Variants in CACNA2D3 observed in about 807,000 individuals in gnomAD.
CACNA2D3 encodes the protein voltage-dependent calcium channel subunit alpha-2/delta-3.
CACNA2D3 carries 60 observed loss-of-function variants against 160.6 expected under a neutral mutation model. That is an observed-to-expected ratio of 0.37 (90% confidence interval 0.30 to 0.46). The LOEUF (loss-of-function observed/expected upper bound fraction) is 0.46. CACNA2D3 is among the 20% of genes least tolerant of loss of function. The pLI, the probability that CACNA2D3 is intolerant of heterozygous loss-of-function variation, is 1.00. For synonymous variants in CACNA2D3, 558 were observed against 492.9 expected, an observed-to-expected ratio of 1.13 and a Z score of -1.75; for missense variants, 1,205 against 1,365.0, an observed-to-expected ratio of 0.88 and a Z score of 1.85.
At chr3:54,310,385 G>A (rs927051087) in intron 2 of CACNA2D3, among the ~76,000 whole-genome samples, 5 of 152,106 alleles carry the variant, frequency 3.3e-5, no homozygotes, top group African/African-American at 1.2e-4. Flanking sequence ...GCACATTTAT[G>A]TCATAATAAG....
intron 11 of CACNA2D3, among the ~76,000 whole-genome samples, chr3:54,729,597 A>G (rs1701346090): frequency 6.6e-6 from 1 of 152,194 alleles, no homozygotes. Flanking sequence ...GCTTTCCTCC[A>G]TTCGAGTGTT....
At chr3:54,193,672 C>T (rs1336684417) in intron 2 of CACNA2D3, among the ~76,000 whole-genome samples, 1 of 152,186 alleles carries the variant, frequency 6.6e-6, no homozygotes, top group Non-Finnish European at 1.5e-5. Flanking sequence ...CACTGAGGAC[C>T]ACTAGGCTGT....
chr3:54,739,751 ATGTGTGTGTGTGTGTGTG>A (rs5849058), intron 11 of CACNA2D3, among the ~76,000 whole-genome samples: 90 of 145,956 alleles, frequency 6.2e-4, no homozygotes, highest in Non-Finnish European at 8.8e-4. Flanking sequence ...CTCCTCATAT[ATGTGTGTGTGTGTGTGTG>A]TGTGTGTGTG....
intron 2 of CACNA2D3, among the ~76,000 whole-genome samples, chr3:54,146,049 A>G (rs1031346173): frequency 3.3e-5 from 5 of 151,692 alleles, no homozygotes; most frequent in Non-Finnish European, 5.9e-5. Flanking sequence ...TAGAATTTCT[A>G]TTATGGTTGT....
At chr3:54,442,817 T>C (rs1481213934) in intron 4 of CACNA2D3, among the ~76,000 whole-genome samples, 3 of 152,172 alleles carry the variant, frequency 2.0e-5, no homozygotes, top group Admixed American at 2.0e-4. Context: ...CTCAGCCAGG[T>C]CTTCTGAGAA....
At chr3:54,280,945 T>C (rs1290987367) in intron 2 of CACNA2D3, among the ~76,000 whole-genome samples, 1 of 152,198 alleles carries the variant, frequency 6.6e-6, no homozygotes, top group African/African-American at 2.4e-5. Context: ...TACTACTTTC[T>C]TGCTTTTTTC....
At chr3:54,513,176 C>T (rs930726854) in intron 5 of CACNA2D3, among the ~76,000 whole-genome samples, 1 of 152,186 alleles carries the variant, frequency 6.6e-6, no homozygotes, top group African/African-American at 2.4e-5. Context: ...GCTGGTAACT[C>T]TTAGAAGGAC....
At chr3:54,753,183 A>G (rs1203700999) in intron 12 of CACNA2D3, among the ~76,000 whole-genome samples, 1 of 152,190 alleles carries the variant, frequency 6.6e-6, no homozygotes, top group Non-Finnish European at 1.5e-5. Context: ...GACATAGTCA[A>G]GTGGAGTGGT....
chr3:54,622,930 A>G (rs1287413838), intron 9 of CACNA2D3, among the ~76,000 whole-genome samples: 1 of 152,222 alleles, frequency 6.6e-6, no homozygotes, highest in South Asian at 2.1e-4. Flanking sequence ...CAGGCGCGGT[A>G]AACCGATCGC....
intron 2 of CACNA2D3, among the ~76,000 whole-genome samples, chr3:54,227,745 G>C (rs1191777308): frequency 6.6e-6 from 1 of 151,996 alleles, no homozygotes; most frequent in Non-Finnish European, 1.5e-5. Context: ...GTAGAGACGG[G>C]GTTTCACCTC....
intron 4 of CACNA2D3, among the ~76,000 whole-genome samples, chr3:54,424,572 C>T (rs1037322907): frequency 1.3e-5 from 2 of 152,190 alleles, no homozygotes; most frequent in African/African-American, 4.8e-5. Context: ...TTATCCTCTG[C>T]TGAATAACTC....
chr3:54,740,130 CAG>C (rs761185753), intron 11 of CACNA2D3, among the ~76,000 whole-genome samples: 10 of 152,128 alleles, frequency 6.6e-5, no homozygotes, highest in Admixed American at 1.3e-4. Context: ...ACACCAAAGA[CAG>C]GGGAGCCACA....
chr3:54,428,508 A>G (rs1176087890), intron 4 of CACNA2D3, among the ~76,000 whole-genome samples: 3 of 152,268 alleles, frequency 2.0e-5, no homozygotes, highest in Middle Eastern at 3.4e-3. Context: ...CTGCAAGTCC[A>G]TTTATGGATG....
intron 11 of CACNA2D3, among the ~76,000 whole-genome samples, chr3:54,720,903 A>T (rs1701156403): frequency 6.6e-6 from 1 of 152,176 alleles, no homozygotes; most frequent in Admixed American, 6.5e-5. Flanking sequence ...AAGAAAGGAC[A>T]AGATATACTA....
intron 9 of CACNA2D3, among the ~76,000 whole-genome samples, chr3:54,619,805 TG>T (rs1245450229): frequency 7.2e-5 from 11 of 151,926 alleles, no homozygotes; most frequent in African/African-American, 2.4e-4. Context: ...AAGATAATAT[TG>T]GCTCTGCACT....
At chr3:54,436,676 A>G (rs896173280) in intron 4 of CACNA2D3, among the ~76,000 whole-genome samples, 19 of 152,224 alleles carry the variant, frequency 1.2e-4, no homozygotes, top group Admixed American at 1.1e-3. Flanking sequence ...AACTAACACA[A>G]GAACAGAAAA....
At chr3:54,454,862 C>G (rs373184681) in intron 4 of CACNA2D3, among the ~76,000 whole-genome samples, 2 of 151,928 alleles carry the variant, frequency 1.3e-5, no homozygotes, top group Non-Finnish European at 2.9e-5. Flanking sequence ...CTTTCTGTGC[C>G]TGGCTTATTT....
rs772414471 is a variant in CACNA2D3, at chr3:54,918,725, G to A, written c.2449+18857G>A. On this transcript the variant is annotated intron_variant, in intron 27 of 37. Transcript: ENST00000474759. ...CGCTCCCCCGCGTTGTGGTTCTCAGGAGGCCTCAGGACCACACCGTGGGCA... is the reference window on the plus strand; with the variant it reads ...CGCTCCCCCGCGTTGTGGTTCTCAGAAGGCCTCAGGACCACACCGTGGGCA... 16 of 1,614,004 alleles carry A rather than the reference G, an allele frequency of 9.9e-6. No homozygotes were observed. Among genetic ancestry groups the A allele is most frequent in the Non-Finnish European group, 1.2e-5 (14 of 1,180,026 alleles).
intron 2 of CACNA2D3, among the ~76,000 whole-genome samples, chr3:54,313,316 T>C (rs1703782961): frequency 6.6e-6 from 1 of 152,168 alleles, no homozygotes; most frequent in Non-Finnish European, 1.5e-5. Context: ...CTGCCTCTTA[T>C]GGCCCTTCCC....
Sources: allele counts gnomAD v4.1 joint callset (sites outside exome capture counted in the v4.1 genomes callset), GRCh38; gene constraint gnomAD v4.1.1; transcripts MANE v1.5; gene names NCBI Gene and HGNC (gene_info 2026-07-23, HGNC 2026-07-21).